UTP6: variants seen among roughly 807,000 people sequenced by gnomAD.
The protein encoded by UTP6 is U3 small nucleolar RNA-associated protein 6 homolog.
Under a neutral mutation model 96.5 loss-of-function variants are expected in UTP6, and 60 were observed. That is an observed-to-expected ratio of 0.62 (90% CI 0.51 to 0.77). The LOEUF (loss-of-function observed/expected upper bound fraction) is 0.77, where lower values mean the gene tolerates loss of function less well. UTP6 is among the 30% of genes least tolerant of loss of function. The probability of loss-of-function intolerance (pLI) is 0.00; values close to 1 mark genes in which losing one functional copy is unlikely to be tolerated. For synonymous variants in UTP6, 215 were observed against 240.1 expected (o/e 0.90, Z 0.96); for missense variants, 637 against 706.5 (o/e 0.90, Z 1.12).
At chr17:31,873,585 T>G in intron 15 of UTP6, 88 bp downstream of exon 15, 1 of 1,604,598 alleles carries the variant, frequency 6.2e-7, no homozygotes, top group Non-Finnish European at 8.5e-7. Flanking sequence ...CCATAGTGCT[T>G]TAGGCGCACC....
chr17:31,899,104 G>A (rs188535039), intron 2 of UTP6, among the ~76,000 whole-genome samples: 2 of 152,228 alleles, frequency 1.3e-5, no homozygotes, highest in African/African-American at 4.8e-5. Flanking sequence ...CATTTTGGGC[G>A]TGGGCAACAT....
intron 14 of UTP6, chr17:31,873,993 G>A: frequency 2.2e-6 from 1 of 449,958 alleles, no homozygotes; most frequent in East Asian, 4.4e-5. Context: ...CAGCAGGAAT[G>A]GCACTCCAGA....
At chr17:31,896,565 T>A (rs1283830212) in intron 2 of UTP6, among the ~76,000 whole-genome samples, 2 of 152,164 alleles carry the variant, frequency 1.3e-5, no homozygotes, top group Non-Finnish European at 2.9e-5. Context: ...TAGTTCTAAT[T>A]ATGTGTTGTA....
At chr17:31,895,227 A>C (rs751699554) in intron 2 of UTP6, among the ~76,000 whole-genome samples, 3 of 152,244 alleles carry the variant, frequency 2.0e-5, no homozygotes, top group Non-Finnish European at 4.4e-5. Flanking sequence ...TACATGCTTC[A>C]CTTAAAAATT....
At chr17:31,889,953 G>A (rs1237459238) in intron 6 of UTP6, among the ~76,000 whole-genome samples, 1 of 152,150 alleles carries the variant, frequency 6.6e-6, no homozygotes, top group Non-Finnish European at 1.5e-5. Flanking sequence ...TAGAGGATGA[G>A]TACCTAAGTG....
At chr17:31,870,109 C>G (rs1370701430) in intron 16 of UTP6, among the ~76,000 whole-genome samples, 1 of 152,062 alleles carries the variant, frequency 6.6e-6, no homozygotes, top group African/African-American at 2.4e-5. Context: ...CATGTCCTTA[C>G]TATTGTGAAT....
At chr17:31,898,232 A>G (rs1270653586) in intron 2 of UTP6, among the ~76,000 whole-genome samples, 2 of 152,112 alleles carry the variant, frequency 1.3e-5, no homozygotes, top group African/African-American at 4.8e-5. Context: ...GAATTCTTTT[A>G]ATTTTTTTAA....
intron 6 of UTP6, 92 bp from the exon 7 acceptor site, chr17:31,889,495 ATTTTTTTT>A: frequency 3.7e-6 from 2 of 536,734 alleles, no homozygotes; most frequent in Non-Finnish European, 6.0e-6. Flanking sequence ...TACTCGCACA[ATTTTTTTT>A]TTTTTTTTTT....
intron 10 of UTP6, among the ~76,000 whole-genome samples, chr17:31,881,978 T>C (rs1910869262): frequency 6.6e-6 from 1 of 152,110 alleles, no homozygotes; most frequent in Non-Finnish European, 1.5e-5. Context: ...GTGCCCAGCC[T>C]AAAGAACTTT....
Sources: gnomAD v4.1 joint callset for allele counts (sites outside exome capture counted in the v4.1 genomes callset) on GRCh38, gnomAD v4.1.1 for gene constraint, MANE v1.5 for transcripts, NCBI Gene and HGNC (gene_info 2026-07-23, HGNC 2026-07-21) for gene names.